Variants in WWOX observed in about 807,000 individuals in gnomAD.
WWOX encodes the protein WW domain containing oxidoreductase.
WWOX carries 69 observed loss-of-function variants against 46.2 expected under a neutral mutation model. The observed-to-expected ratio is 1.49, with a 90% CI of 1.23 to 1.82. WWOX has a LOEUF of 1.82. Ranked by LOEUF, WWOX falls within the 40% of genes most tolerant of loss-of-function variation. The pLI, the probability that WWOX is intolerant of heterozygous loss-of-function variation, is 0.00. For missense variants in WWOX, 919 were observed against 542.6 expected (o/e 1.69, Z -6.89); for synonymous variants, 359 against 202.6 (o/e 1.77, Z -6.56).
chr16:78,817,016 G>C (rs574704016), intron 8 of WWOX, among the ~76,000 whole-genome samples: 2 of 151,994 alleles, frequency 1.3e-5, no homozygotes, highest in African/African-American at 2.4e-5. Context: ...CTTGGGTTCT[G>C]ACCAACTGTT....
At chr16:78,727,261 T>C (rs1317031368) in intron 8 of WWOX, among the ~76,000 whole-genome samples, 1 of 152,168 alleles carries the variant, frequency 6.6e-6, no homozygotes, top group East Asian at 1.9e-4. Context: ...TAGCTGGGTT[T>C]GGTGACAAAC....
chr16:78,281,341 G>C (rs2079674720), intron 5 of WWOX, among the ~76,000 whole-genome samples: 1 of 152,196 alleles, frequency 6.6e-6, no homozygotes, highest in African/African-American at 2.4e-5. Flanking sequence ...AACTATATCA[G>C]GATCCCAGCA....
At chr16:78,530,265 T>C (rs1252481908) in intron 8 of WWOX, among the ~76,000 whole-genome samples, 1 of 152,132 alleles carries the variant, frequency 6.6e-6, no homozygotes, top group East Asian at 1.9e-4. Context: ...TGTTAACAGT[T>C]CAGTGGAGGG....
At chr16:78,932,797 G>A (rs2045652587) in intron 8 of WWOX, among the ~76,000 whole-genome samples, 1 of 152,200 alleles carries the variant, frequency 6.6e-6, no homozygotes, top group African/African-American at 2.4e-5. Context: ...CTGGTCCCAA[G>A]CCCCTCCTGT....
chr16:78,860,714 A>G (rs1199003871), intron 8 of WWOX, among the ~76,000 whole-genome samples: 2 of 152,256 alleles, frequency 1.3e-5, no homozygotes, highest in Admixed American at 6.5e-5. Context: ...CATCCGCTTT[A>G]GTGCTCTGCT....
Position 78,473,196 on chromosome 16 carries a change from C to T in WWOX, c.1056+40444C>T, listed in dbSNP as rs560036121. Among the ~76,000 whole-genome samples the T allele has an allele frequency of 9.2e-5, 14 of 152,280 alleles. No homozygotes were observed. In the East Asian group the frequency reaches 1.9e-3, roughly 21 times the overall value. ...CCAGGCTAGAGTGCAGTGGTGCGTT[C>T]TCTGCTCACTGCGGCCTGCATCTCC... is the stretch of plus-strand genomic sequence containing the variant. On this transcript the variant is annotated intron_variant, in intron 8 of 8. Transcript: ENST00000566780.
intron 4 of WWOX, chr16:78,130,188 T>C (rs2151695242): frequency 6.6e-6 from 1 of 152,250 alleles, no homozygotes; most frequent in Middle Eastern, 3.4e-3. Flanking sequence ...TTCCCAGTCT[T>C]CGATATGTCC....
chr16:79,166,380 TG>T (rs1331220484), intron 8 of WWOX, among the ~76,000 whole-genome samples: 10 of 152,146 alleles, frequency 6.6e-5, no homozygotes, highest in African/African-American at 2.4e-4. Flanking sequence ...CTTCTTAGTT[TG>T]CAGCTTTTCT....
intron 5 of WWOX, among the ~76,000 whole-genome samples, chr16:78,312,725 T>C (rs903452028): frequency 1.3e-5 from 2 of 152,294 alleles, no homozygotes; most frequent in South Asian, 4.1e-4. Flanking sequence ...TTTCTCTGCA[T>C]TGGAGGAAGC....
intron 8 of WWOX, among the ~76,000 whole-genome samples, chr16:78,797,703 G>A (rs907390069): frequency 3.3e-5 from 5 of 152,150 alleles, no homozygotes; most frequent in African/African-American, 1.2e-4. Flanking sequence ...AAAATCCACT[G>A]GAGGCCAGGT....
intron 8 of WWOX, among the ~76,000 whole-genome samples, chr16:78,736,606 T>C (rs2049098305): frequency 6.6e-6 from 1 of 152,006 alleles, no homozygotes; most frequent in South Asian, 2.1e-4. Context: ...TTATTTTGTT[T>C]TGTTTTACTG....
intron 8 of WWOX, chr16:78,825,292 A>T (rs2051620197): frequency 3.4e-6 from 1 of 290,260 alleles, no homozygotes; most frequent in Non-Finnish European, 6.9e-6. Context: ...TGGCCGCGCG[A>T]ATTTCCAAGA....
intron 8 of WWOX, among the ~76,000 whole-genome samples, chr16:78,687,215 G>A (rs915888823): frequency 6.6e-6 from 1 of 152,098 alleles, no homozygotes; most frequent in Non-Finnish European, 1.5e-5. Context: ...TGATATAACA[G>A]TAAATCCAAG....
intron 8 of WWOX, among the ~76,000 whole-genome samples, chr16:78,702,100 T>TTATATATATATATATATA (rs72067397): frequency 7.8e-4 from 63 of 81,218 alleles, no homozygotes; most frequent in African/African-American, 3.7e-3. Flanking sequence ...ATCTATAAAG[T>TTATATATATATATATATA]TATATATATA....
At position 78,715,926 on chromosome 16, in the gene WWOX, C is replaced by T. The variant is rs544772205; in HGVS notation, c.1056+283174C>T. Among the ~76,000 whole-genome samples the T allele has an allele frequency of 3.9e-5, 6 of 152,240 alleles. No homozygotes were observed. The South Asian group carries it at 1.2e-3, about 32-fold the overall frequency. ...GATGGAAGCCTGCCAGAGGTAGAGC[C>T]TTGGGAAGGGCTGATAGGGCCTCTA... On this transcript the variant is annotated intron_variant, in intron 8 of 8. Transcript: ENST00000566780.
chr16:78,105,506 G>C (rs2032083725), intron 1 of WWOX, among the ~76,000 whole-genome samples: 1 of 151,812 alleles, frequency 6.6e-6, no homozygotes, highest in Non-Finnish European at 1.5e-5. Context: ...CCAGCAGTGA[G>C]AATAAGAAAC....
rs188160597 is a variant in WWOX, at chr16:78,217,583, C to T, written c.516+53294C>T. On this transcript the variant is annotated intron_variant, in intron 5 of 8. Transcript: ENST00000566780. ...CTCTCTTCTCCCAGATGCTGGGCTT[C>T]CGACCTTAATAGAGACCGAGAAACT... 1.6e-4 allele frequency among the ~76,000 whole-genome samples: 25 copies of T among 152,192 alleles called. 1 individual carries two copies. In the East Asian group the frequency reaches 3.3e-3, roughly 20 times the overall value.
Position 78,205,653 on chromosome 16 carries a change from C to T in WWOX, c.516+41364C>T, listed in dbSNP as rs555866483. Reference sequence around the variant, plus strand: ...TCCACCCTTCCATCCATCCATCTACCCACTCATCTACCCTTTCATACATCC... The same window carrying T: ...TCCACCCTTCCATCCATCCATCTACTCACTCATCTACCCTTTCATACATCC... On this transcript the variant is annotated intron_variant, in intron 5 of 8. Coordinates refer to ENST00000566780, the MANE Select transcript of WWOX (RefSeq NM_016373.4). Among the ~76,000 whole-genome samples, 183 of 152,092 alleles carry T rather than the reference C, an allele frequency of 1.2e-3. 1 individual carries two copies. The highest frequency in any genetic ancestry group is 1.9e-3 in the Non-Finnish European group (126 of 67,986).
chr16:78,537,624 G>A (rs960668118), intron 8 of WWOX, among the ~76,000 whole-genome samples: 4 of 152,060 alleles, frequency 2.6e-5, no homozygotes, highest in African/African-American at 9.7e-5. Context: ...AGATAGGCTC[G>A]AAGAAAGAGC....
Sources: gnomAD v4.1 joint callset for allele counts (sites outside exome capture counted in the v4.1 genomes callset) on GRCh38, gnomAD v4.1.1 for gene constraint, MANE v1.5 for transcripts, NCBI Gene and HGNC (gene_info 2026-07-23, HGNC 2026-07-21) for gene names.